Variants in DMD observed in about 807,000 individuals in gnomAD.
DMD encodes the protein dystrophin.
A neutral mutation model predicts 330.1 loss-of-function variants in DMD; 63 were observed. That is an observed-to-expected ratio of 0.19 (90% CI 0.16 to 0.24). The LOEUF is 0.24. DMD is among the 10% of genes least tolerant of loss of function. The probability of loss-of-function intolerance (pLI) is 1.00; values close to 1 mark genes in which losing one functional copy is unlikely to be tolerated. For synonymous variants in DMD, 1,223 were observed against 959.8 expected (o/e 1.27, Z -5.07); for missense variants, 3,344 against 2,684.1 (o/e 1.25, Z -5.43).
chrX:32,059,421 T>A (rs1265362142), intron 44 of DMD, among the ~76,000 whole-genome samples: 1 of 111,134 alleles, frequency 9.0e-6, no homozygotes, highest in Non-Finnish European at 1.9e-5. Context: ...GGGAGCACCA[T>A]AAACACATAT....
intron 43 of DMD, among the ~76,000 whole-genome samples, chrX:32,258,140 C>A (rs185706860): frequency 1.8e-5 from 2 of 111,203 alleles, no homozygotes; most frequent in South Asian, 7.5e-4. Context: ...GTTAGAATGG[C>A]GAACATTCAA....
chrX:31,266,957 A>C lies in DMD; in HGVS notation c.9225-5941T>G, dbSNP rs979205830. ...AAGCTCACAGCTGAAAGCACTGCGG[A>C]GGAGCCGGCGCGGGCGGGCCGGGGA... On this transcript the variant is annotated intron_variant, in intron 62 of 78. Coordinates refer to ENST00000357033, the MANE Select transcript of DMD (RefSeq NM_004006.3). 1.2e-4 allele frequency: 131 copies of C among 1,073,000 alleles called. 2 individuals carry two copies. The East Asian group carries it at 4.6e-3, about 38-fold the overall frequency. 88.4% of individuals were successfully genotyped at this position (1,073,000 alleles called of 1,213,427 possible). A position where few individuals can be genotyped will look rare whatever the true frequency, so the allele number is the denominator to read the frequency against.
At chrX:32,386,209 T>C (rs2097957327) in intron 33 of DMD, 101 bp downstream of exon 33, 5 of 939,322 alleles carry the variant, frequency 5.3e-6, no homozygotes, top group Non-Finnish European at 7.7e-6. Flanking sequence ...GAGAGGTGTT[T>C]AGAATTGCTA....
chrX:32,858,111 A>T (rs2081742182), intron 2 of DMD, among the ~76,000 whole-genome samples: 2 of 111,401 alleles, frequency 1.8e-5, no homozygotes, highest in African/African-American at 6.5e-5. Context: ...TCTATTAGTC[A>T]TATTCACCAT....
chrX:32,403,867 A>G lies in DMD; in HGVS notation c.4233+7885T>C, dbSNP rs775752054. Among the ~76,000 whole-genome samples, 3 of 112,051 alleles carry G rather than the reference A, an allele frequency of 2.7e-5. No individual in the cohort carries two copies. The South Asian group carries it at 1.1e-3, about 41-fold the overall frequency. On this transcript the variant is annotated intron_variant, in intron 30 of 78. Coordinates refer to ENST00000357033, the MANE Select transcript of DMD (RefSeq NM_004006.3). ...TTTTCTTCTTTGACTAAATTATCCAATTACCACATAAATTCCCCTTTGCAG... is the reference window on the plus strand; with the variant it reads ...TTTTCTTCTTTGACTAAATTATCCAGTTACCACATAAATTCCCCTTTGCAG...
chrX:31,324,223 A>G (rs1177605718), intron 61 of DMD, among the ~76,000 whole-genome samples: 1 of 111,402 alleles, frequency 9.0e-6, no homozygotes, highest in Non-Finnish European at 1.9e-5. Context: ...GACCAGTGTG[A>G]TCTTATTAGA....
At chrX:33,208,567 AT>A (rs1338237495) in intron 1 of DMD, among the ~76,000 whole-genome samples, 3 of 111,454 alleles carry the variant, frequency 2.7e-5, no homozygotes, top group Non-Finnish European at 3.8e-5. Flanking sequence ...TCCTTAAAAA[AT>A]GATGTGTGTT....
At chrX:32,363,999 C>T (rs917139902) in intron 36 of DMD, among the ~76,000 whole-genome samples, 4 of 111,738 alleles carry the variant, frequency 3.6e-5, no homozygotes, top group Non-Finnish European at 5.6e-5. Context: ...TTATCGGAAT[C>T]ATTTTTTAAA....
chrX:31,591,374 T>C (rs2076860265), intron 55 of DMD, among the ~76,000 whole-genome samples: 1 of 111,524 alleles, frequency 9.0e-6, no homozygotes, highest in African/African-American at 3.2e-5. Flanking sequence ...TGACTTGAAA[T>C]GACACAAAAA....
chrX:32,252,523 T>G (rs923959670), intron 43 of DMD, among the ~76,000 whole-genome samples: 13 of 100,025 alleles, frequency 1.3e-4, no homozygotes, highest in South Asian at 4.2e-4. Flanking sequence ...ATATGTTGAA[T>G]AAATGAATAC....
chrX:32,789,260 A>G (rs781421876), intron 7 of DMD, among the ~76,000 whole-genome samples: 1 of 112,316 alleles, frequency 8.9e-6, no homozygotes, highest in African/African-American at 3.2e-5. Context: ...CATTAACAGA[A>G]CTGTTAGCAA....
chrX:33,109,054 C>T (rs2148421391), intron 1 of DMD, among the ~76,000 whole-genome samples: 1 of 108,477 alleles, frequency 9.2e-6, no homozygotes, highest in African/African-American at 3.3e-5. Context: ...CTTGTTTGAC[C>T]ACATTTTAAT....
chrX:32,118,812 G>A (rs1304854378), intron 44 of DMD, among the ~76,000 whole-genome samples: 1 of 110,666 alleles, frequency 9.0e-6, no homozygotes, highest in Admixed American at 9.6e-5. Context: ...GGAGGCGATG[G>A]TTTGGGGATA....
intron 49 of DMD, among the ~76,000 whole-genome samples, chrX:31,835,342 T>C (rs1876359799): frequency 8.9e-6 from 1 of 111,966 alleles, no homozygotes; most frequent in African/African-American, 3.2e-5. Context: ...ATTTGTGCAC[T>C]GCATGGCTTG....
Position 31,496,813 on chromosome X carries a change from A to G in DMD, c.8522T>C (p.Val2841Ala), listed in dbSNP as rs1339181996. 1.7e-6 allele frequency: 2 copies of G among 1,212,081 alleles called. No individual in the cohort carries two copies. The highest frequency in any genetic ancestry group is 2.2e-6 in the Non-Finnish European group (2 of 895,605). Residue 2841 changes from valine (V) to alanine (A), a missense_variant, in exon 57 of 79, where the codon GTT becomes GCT. Physicochemically the swap from Val to Ala is moderately conservative, Grantham distance 64. Transcript: ENST00000357033. ...QAPIGGDFPA[V>A]QKQNDVHRAF... Reference sequence around the variant, plus strand: ...CCTATGTACATCGTTCTGCTTCTGAACTGCTGGAAAGTCGCCTCCAATAGG... The same window carrying G: ...CCTATGTACATCGTTCTGCTTCTGAGCTGCTGGAAAGTCGCCTCCAATAGG...
At chrX:31,468,839 G>A (rs1383425057) in intron 59 of DMD, among the ~76,000 whole-genome samples, 1 of 111,457 alleles carries the variant, frequency 9.0e-6, no homozygotes, top group African/African-American at 3.3e-5. Context: ...TTATGAATCC[G>A]GGTGCTCCTA....
intron 4 of DMD, among the ~76,000 whole-genome samples, chrX:32,828,727 C>T (rs1047160401): frequency 7.3e-5 from 8 of 110,093 alleles, no homozygotes; most frequent in Non-Finnish European, 1.5e-4. Context: ...TTCCTAGAAA[C>T]AATTTAGAAT....
At chrX:31,532,279 G>T (rs1181101757) in intron 55 of DMD, among the ~76,000 whole-genome samples, 1 of 84,023 alleles carries the variant, frequency 1.2e-5, no homozygotes, top group Non-Finnish European at 2.2e-5. Context: ...GACTAACAGC[G>T]GATCTCTCGG....
intron 16 of DMD, among the ~76,000 whole-genome samples, chrX:32,561,905 G>C (rs2051059342): frequency 8.9e-6 from 1 of 111,812 alleles, no homozygotes; most frequent in Admixed American, 9.6e-5. Flanking sequence ...TGAAAGAAAA[G>C]AATTTCCAAG....
Sources: allele counts gnomAD v4.1 joint callset (sites outside exome capture counted in the v4.1 genomes callset), GRCh38; gene constraint gnomAD v4.1.1; transcripts MANE v1.5; gene names NCBI Gene and HGNC (gene_info 2026-07-23, HGNC 2026-07-21).